The following EPHX2 variants were observed in gnomAD, a reference collection of about 807,000 sequenced individuals.
EPHX2 encodes epoxide hydrolase 2, also known as bifunctional epoxide hydrolase 2.
A neutral mutation model predicts 78.7 loss-of-function variants in EPHX2; 74 were observed. The ratio of observed to expected loss-of-function variants is 0.94; its 90% CI spans 0.78 to 1.14. EPHX2 has a LOEUF of 1.14. Among genes scored for constraint, EPHX2 ranks in the 50% most tolerant of loss-of-function variants. EPHX2 has a pLI of 0.00. For missense variants in EPHX2, 715 were observed against 702.5 expected (o/e 1.02, Z -0.20); for synonymous variants, 251 against 255.2 (o/e 0.98, Z 0.16).
chr8:27,522,493 A>G lies in EPHX2; in HGVS notation c.1043A>G (p.Tyr348Cys), dbSNP rs760734753. 1 of 1,613,792 alleles carries G rather than the reference A, an allele frequency of 6.2e-7. No individual in the cohort carries two copies. The highest frequency in any genetic ancestry group is 1.7e-5 in the Admixed American group (1 of 60,000). ...CTGGTGTGGTACATGGCTCTCTTCT[A>G]CCCCGAGAGAGTGAGGTAATTGGGC... Reference protein sequence around the residue: ...GMLVWYMALFYPERVRAVASL... With the variant: ...GMLVWYMALFCPERVRAVASL... The change falls in exon 11 of 19, where the codon TAC becomes TGC. Residue 348 changes from tyrosine (Y) to cysteine (C), a missense_variant. By Grantham distance (194) the Tyr-to-Cys change is radical. Transcript: ENST00000521400.
chr8:27,491,175 G>T lies in EPHX2; in HGVS notation c.-34G>T. 1.9e-6 allele frequency: 3 copies of T among 1,548,332 alleles called. No individual in the cohort carries two copies. Among genetic ancestry groups the T allele is most frequent in the Non-Finnish European group, 1.7e-6 (2 of 1,154,606 alleles). On this transcript the variant is annotated 5_prime_UTR_variant, in exon 1 of 19. Transcript: ENST00000521400. ...CCTTCGCGCATCTCCCAGGTTAGCT[G>T]CGTGTCCGGGTGCTAGGCTGCAGAC... is the stretch of plus-strand genomic sequence containing the variant.
At chr8:27,507,345 G>A (rs986396799) in intron 5 of EPHX2, among the ~76,000 whole-genome samples, 1 of 152,158 alleles carries the variant, frequency 6.6e-6, no homozygotes, top group East Asian at 1.9e-4. Context: ...CTGGCATGTC[G>A]AGCATGCCGC....
chr8:27,547,952 G>T (rs1201488490), downstream of EPHX2, among the ~76,000 whole-genome samples: 1 of 152,174 alleles, frequency 6.6e-6, no homozygotes, highest in Non-Finnish European at 1.5e-5. Flanking sequence ...AAAGGGAATA[G>T]ATTACAAGTA....
intron 1 of EPHX2, chr8:27,493,044 C>A: frequency 1.2e-5 from 2 of 161,956 alleles, no homozygotes; most frequent in Non-Finnish European, 2.6e-5. Context: ...TCTAGCAGTC[C>A]TCGGTAGAAG....
At chr8:27,491,457 C>G in intron 1 of EPHX2, 148 bp downstream of exon 1, 1 of 596,628 alleles carries the variant, frequency 1.7e-6, no homozygotes, top group Non-Finnish European at 2.8e-6. Flanking sequence ...CCCTGAAGTC[C>G]CAGTGCATAT....
chr8:27,520,051 CGGTTGGTCT>C (rs1223838138), intron 9 of EPHX2, among the ~76,000 whole-genome samples: 2 of 151,536 alleles, frequency 1.3e-5, no homozygotes, highest in East Asian at 3.9e-4. Flanking sequence ...TATGTTGCCC[CGGTTGGTCT>C]TCAACTTCTG....
chr8:27,529,698 A>T (rs913442755), intron 12 of EPHX2, among the ~76,000 whole-genome samples: 1 of 152,046 alleles, frequency 6.6e-6, no homozygotes, highest in African/African-American at 2.4e-5. Context: ...GGATCACCTG[A>T]GGTCAGGAGT....
chr8:27,521,098 A>G (rs1328613997), intron 10 of EPHX2, among the ~76,000 whole-genome samples, 189 bp downstream of exon 10: 1 of 152,180 alleles, frequency 6.6e-6, no homozygotes, highest in Non-Finnish European at 1.5e-5. Context: ...TGCGTGGAGA[A>G]CAGGATGGAG....
At chr8:27,494,391 A>G (rs552740710) in intron 1 of EPHX2, among the ~76,000 whole-genome samples, 3 of 152,352 alleles carry the variant, frequency 2.0e-5, no homozygotes, top group African/African-American at 7.2e-5. Flanking sequence ...TCCCTGAGTT[A>G]CCATGGCTTT....
At position 27,545,070 on chromosome 8, in the gene EPHX2, ATGGGGATGGCAG is replaced by A. The variant is rs1211322311; in HGVS notation, c.*552_*563del. 6.4e-6 allele frequency: 1 copy of A among 155,672 alleles called. No individual in the cohort carries two copies. The highest frequency in any genetic ancestry group is 1.4e-5 in the Non-Finnish European group (1 of 70,308). The allele number at this position is 155,672 out of a possible 1,614,324, so 9.6% of individuals were successfully genotyped here. A position where few individuals can be genotyped will look rare whatever the true frequency, so the allele number is the denominator to read the frequency against. ...GCCGTGCTGGCCAGGAGACAATCCT[ATGGGGATGGCAG>A]TGGTGTCTTGTGCTCTGTCCCCTAG... On this transcript the variant is annotated 3_prime_UTR_variant, in exon 19 of 19. Coordinates refer to ENST00000521400, the MANE Select transcript of EPHX2 (RefSeq NM_001979.6).
chr8:27,523,839 C>T (rs1166540457), intron 11 of EPHX2, among the ~76,000 whole-genome samples: 6 of 152,114 alleles, frequency 3.9e-5, no homozygotes, highest in African/African-American at 1.4e-4. Context: ...CAAAAAGTTA[C>T]CCTGCAGACT....
intron 6 of EPHX2, 76 bp downstream of exon 6, chr8:27,511,986 A>C: frequency 7.0e-7 from 1 of 1,432,704 alleles, no homozygotes. Context: ...GAGACACCCA[A>C]GAGGCTGAGC....
At chr8:27,542,918 A>G (rs1013133960) in intron 16 of EPHX2, among the ~76,000 whole-genome samples, 6 of 152,028 alleles carry the variant, frequency 3.9e-5, no homozygotes, top group African/African-American at 1.4e-4. Flanking sequence ...CTGGGATGAC[A>G]GGCGTGAGCC....
At chr8:27,531,723 T>C (rs1697994583) in intron 12 of EPHX2, among the ~76,000 whole-genome samples, 1 of 152,136 alleles carries the variant, frequency 6.6e-6, no homozygotes, top group Non-Finnish European at 1.5e-5. Context: ...GCTGCCTCCA[T>C]TGTCTCACCC....
At chr8:27,498,737 A>G (rs1016499887) in intron 1 of EPHX2, among the ~76,000 whole-genome samples, 3 of 152,204 alleles carry the variant, frequency 2.0e-5, no homozygotes, top group African/African-American at 7.2e-5. Context: ...CTTAATACTG[A>G]GGAGCAGATA....
At chr8:27,537,764 TTCTC>T (rs761311141) in intron 13 of EPHX2, among the ~76,000 whole-genome samples, 1 of 152,214 alleles carries the variant, frequency 6.6e-6, no homozygotes, top group African/African-American at 2.4e-5. Flanking sequence ...TCTCTCTTGT[TTCTC>T]TCTCTCCCTC....
rs749909631 is a variant in EPHX2 at position 27,516,398 on chromosome 8, G to A, written c.910G>A (p.Glu304Lys). 79 of 1,613,652 alleles carry A rather than the reference G, an allele frequency of 4.9e-5. No homozygotes were observed. The highest frequency in any genetic ancestry group is 6.1e-5 in the Non-Finnish European group (72 of 1,179,738). The change falls in exon 8 of 19, where the codon GAA (glutamate) becomes AAA (lysine). Residue 304 changes from glutamate (E) to lysine (K), a missense_variant and splice_region_variant. Physicochemically the swap from Glu to Lys is moderately conservative, Grantham distance 56. Coordinates refer to ENST00000521400, the MANE Select transcript of EPHX2 (RefSeq NM_001979.6). ...KGYGESSAPP[E>K]IEEYCMEVLC... Reference sequence around the variant, plus strand: ...CTATGGAGAGTCATCTGCTCCTCCCGGTGGGTGTGCTGTCTTGCAGCTGTC... The same window carrying A: ...CTATGGAGAGTCATCTGCTCCTCCCAGTGGGTGTGCTGTCTTGCAGCTGTC...
At chr8:27,501,630 C>T (rs768250370) in intron 2 of EPHX2, among the ~76,000 whole-genome samples, 1 of 151,974 alleles carries the variant, frequency 6.6e-6, no homozygotes, top group Non-Finnish European at 1.5e-5. Context: ...CCAGACTGGT[C>T]TAGAACTCCT....
intron 11 of EPHX2, among the ~76,000 whole-genome samples, chr8:27,525,114 G>T: frequency 6.6e-6 from 1 of 150,634 alleles, no homozygotes; most frequent in African/African-American, 2.4e-5. Flanking sequence ...GTGTGCGCGC[G>T]CGCGCGCGCA....
Sources: allele counts gnomAD v4.1 joint callset (sites outside exome capture counted in the v4.1 genomes callset), GRCh38; gene constraint gnomAD v4.1.1; transcripts MANE v1.5; gene names NCBI Gene and HGNC (gene_info 2026-07-23, HGNC 2026-07-21).